Variants in KCNMA1 observed in about 807,000 individuals in gnomAD.
KCNMA1 encodes the protein potassium calcium-activated channel subfamily M alpha 1.
KCNMA1 carries 29 observed loss-of-function variants against 140.0 expected under a neutral mutation model. The observed-to-expected ratio is 0.21, with a 90% confidence interval of 0.15 to 0.28. The LOEUF (loss-of-function observed/expected upper bound fraction) is 0.28, where lower values mean the gene tolerates loss of function less well. Among genes scored for constraint, KCNMA1 ranks in the 10% least tolerant of loss-of-function variants. The pLI, the probability that KCNMA1 is intolerant of heterozygous loss-of-function variation, is 1.00. For missense variants in KCNMA1, 880 were observed against 1,602.2 expected, an observed-to-expected ratio of 0.55 and a Z score of 7.70; for synonymous variants, 612 against 611.9, an observed-to-expected ratio of 1.00 and a Z score of 0.00.
At chr10:77,311,743 T>C (rs1439323555) in intron 2 of KCNMA1, among the ~76,000 whole-genome samples, 1 of 152,216 alleles carries the variant, frequency 6.6e-6, no homozygotes. Context: ...CACCTCTTCT[T>C]GCAGCCCTCT....
At chr10:77,239,641 A>G (rs2056716710) in intron 3 of KCNMA1, among the ~76,000 whole-genome samples, 1 of 152,214 alleles carries the variant, frequency 6.6e-6, no homozygotes, top group Non-Finnish European at 1.5e-5. Context: ...GTTGATATTA[A>G]TAGGGCCATC....
At chr10:77,006,321 A>T (rs977305399) in intron 18 of KCNMA1, among the ~76,000 whole-genome samples, 1 of 152,160 alleles carries the variant, frequency 6.6e-6, no homozygotes, top group Non-Finnish European at 1.5e-5. Flanking sequence ...CAATCAATAG[A>T]TACTTTTCAG....
chr10:76,912,461 T>G (rs2050736305), intron 24 of KCNMA1: 1 of 152,102 alleles, frequency 6.6e-6, no homozygotes, highest in African/African-American at 2.4e-5. Context: ...TAAGAAGTAT[T>G]TGTGGGGGAT....
chr10:76,879,876 C>T (rs1307693487), downstream of KCNMA1, among the ~76,000 whole-genome samples: 4 of 152,126 alleles, frequency 2.6e-5, no homozygotes, highest in East Asian at 7.7e-4. Flanking sequence ...AAAAGCTTTG[C>T]CAGGCCGCTG....
intron 19 of KCNMA1, chr10:76,980,390 A>G (rs1362141169): frequency 2.6e-5 from 4 of 152,140 alleles, no homozygotes; most frequent in African/African-American, 7.2e-5. Flanking sequence ...TCAATGTCCT[A>G]CGATCTACTG....
intron 1 of KCNMA1, among the ~76,000 whole-genome samples, chr10:77,597,485 T>C (rs191688476): frequency 1.7e-3 from 262 of 152,134 alleles, no homozygotes; most frequent in Middle Eastern, 0.014. Context: ...ACCCCATAAA[T>C]AGGTAAAATA....
chr10:77,548,526 C>G lies in KCNMA1; in HGVS notation c.378+88739G>C, dbSNP rs74709123. Among the ~76,000 whole-genome samples, 148 of 152,298 alleles carry G rather than the reference C, an allele frequency of 9.7e-4. 3 individuals are homozygous for G. The East Asian group carries it at 0.022, about 23-fold the overall frequency. On this transcript the variant is annotated intron_variant, in intron 1 of 27. Coordinates refer to ENST00000286628, the MANE Select transcript of KCNMA1 (RefSeq NM_001161352.2). ...ACACATGTAGGTGTGCACAGAGGCC[C>G]AGAGAAGCAGGGTCAATGGAATCCA...
intron 1 of KCNMA1, among the ~76,000 whole-genome samples, chr10:77,455,051 T>C (rs1054574280): frequency 4.6e-5 from 7 of 152,208 alleles, no homozygotes; most frequent in African/African-American, 1.7e-4. Flanking sequence ...ATATTAATCT[T>C]CATTCCCTGT....
chr10:77,339,781 C>T (rs114838345), intron 2 of KCNMA1, among the ~76,000 whole-genome samples: 2,164 of 152,342 alleles, frequency 0.014, 42 homozygotes, highest in African/African-American at 0.048. Context: ...TAGGTGGCCA[C>T]GCCACATATT....
chr10:77,517,734 G>A (rs537742315), intron 1 of KCNMA1, among the ~76,000 whole-genome samples: 4 of 152,098 alleles, frequency 2.6e-5, no homozygotes, highest in Non-Finnish European at 4.4e-5. Context: ...CCATGCATTT[G>A]TTCATTTCCC....
At chr10:77,127,232 A>G (rs991852516) in intron 5 of KCNMA1, among the ~76,000 whole-genome samples, 1 of 151,982 alleles carries the variant, frequency 6.6e-6, no homozygotes, top group Non-Finnish European at 1.5e-5. Flanking sequence ...ACTTACACAC[A>G]CTAAAACTTC....
chr10:77,590,736 C>T (rs1409283914), intron 1 of KCNMA1, among the ~76,000 whole-genome samples: 1 of 152,172 alleles, frequency 6.6e-6, no homozygotes, highest in Non-Finnish European at 1.5e-5. Flanking sequence ...GGACTGCCAG[C>T]ACGCTGTCAC....
intron 1 of KCNMA1, among the ~76,000 whole-genome samples, chr10:77,598,474 T>C (rs72813419): frequency 6.6e-6 from 1 of 152,316 alleles, no homozygotes; most frequent in Non-Finnish European, 1.5e-5. Flanking sequence ...CCCTAAGCAC[T>C]TGGCCAGGAA....
intron 1 of KCNMA1, among the ~76,000 whole-genome samples, chr10:77,554,455 A>AGT (rs961979628): frequency 1.4e-5 from 2 of 143,434 alleles, no homozygotes; most frequent in African/African-American, 5.4e-5. Flanking sequence ...AAATTAGCTG[A>AGT]GCGTGCTAGT....
At chr10:77,264,572 G>T (rs1370057521) in intron 2 of KCNMA1, among the ~76,000 whole-genome samples, 1 of 152,164 alleles carries the variant, frequency 6.6e-6, no homozygotes, top group Non-Finnish European at 1.5e-5. Flanking sequence ...CAAGACAAGG[G>T]CCAGAAAATG....
At chr10:77,225,080 C>T (rs1402739752) in intron 3 of KCNMA1, among the ~76,000 whole-genome samples, 1 of 152,144 alleles carries the variant, frequency 6.6e-6, no homozygotes, top group Non-Finnish European at 1.5e-5. Flanking sequence ...AAAGCGAATC[C>T]AGTTGGCAAT....
intron 1 of KCNMA1, among the ~76,000 whole-genome samples, chr10:77,508,410 C>T (rs1011257919): frequency 2.7e-5 from 4 of 149,104 alleles, no homozygotes; most frequent in African/African-American, 1.0e-4. Context: ...GTTTCAAACT[C>T]CTAGGCTCAA....
At chr10:77,340,828 T>A (rs2090683284) in intron 2 of KCNMA1, among the ~76,000 whole-genome samples, 1 of 151,888 alleles carries the variant, frequency 6.6e-6, no homozygotes, top group Non-Finnish European at 1.5e-5. Flanking sequence ...AACCTGCATG[T>A]TGTGCACATG....
At chr10:77,383,797 G>A (rs946668342) in intron 2 of KCNMA1, among the ~76,000 whole-genome samples, 8 of 152,136 alleles carry the variant, frequency 5.3e-5, no homozygotes, top group African/African-American at 9.7e-5. Flanking sequence ...GGCCTCAAGC[G>A]ATTCTCCTGC....
Sources: gnomAD v4.1 joint callset for allele counts (sites outside exome capture counted in the v4.1 genomes callset) on GRCh38, gnomAD v4.1.1 for gene constraint, MANE v1.5 for transcripts, NCBI Gene and HGNC (gene_info 2026-07-23, HGNC 2026-07-21) for gene names.